Variants in ZNF608 observed in about 807,000 individuals in gnomAD.
ZNF608 encodes zinc finger protein 608, also known as renal carcinoma antigen NY-REN-36.
Under a neutral mutation model 109.0 loss-of-function variants are expected in ZNF608, and 12 were observed. The observed-to-expected ratio is 0.11, with a 90% CI of 0.07 to 0.18. The LOEUF (loss-of-function observed/expected upper bound fraction) is 0.18. Among genes scored for constraint, ZNF608 ranks in the 10% least tolerant of loss-of-function variants. The pLI, the probability that ZNF608 is intolerant of heterozygous loss-of-function variation, is 1.00. For synonymous variants in ZNF608, 732 were observed against 717.4 expected (o/e 1.02, Z -0.33); for missense variants, 1,707 against 1,879.3 (o/e 0.91, Z 1.70).
chr5:124,730,719 G>A (rs1288184931), intron 2 of ZNF608, among the ~76,000 whole-genome samples: 3 of 152,118 alleles, frequency 2.0e-5, no homozygotes, highest in Non-Finnish European at 2.9e-5. Context: ...AAGGATCCAC[G>A]TCTGTAGTAT....
At position 124,745,076 on chromosome 5, in the gene ZNF608, C is replaced by G. The variant is rs1749589330; in HGVS notation, c.-87G>C. The stretch of plus-strand genomic sequence containing the variant: ...TTCGTTTATCTCCGCTGGGCTTTCT[C>G]TCAAAGAAAAAAAAAATCTTCTAAT... On this transcript the variant is annotated 5_prime_UTR_variant, in exon 2 of 10. Coordinates refer to ENST00000513986, the MANE Select transcript of ZNF608 (RefSeq NM_020747.3). 5 of 1,490,562 alleles carry G rather than the reference C, an allele frequency of 3.4e-6. No homozygotes were observed. 92.3% of individuals were successfully genotyped at this position (1,490,562 alleles called of 1,614,324 possible).
In ZNF608 at chr5:124,647,400, G is replaced by A; in HGVS notation, c.2984C>T (p.Pro995Leu). 2 of 1,614,190 alleles carry A rather than the reference G, an allele frequency of 1.2e-6. No homozygotes were observed. The highest frequency in any genetic ancestry group is 1.6e-4 in the Middle Eastern group (1 of 6,062). The change falls in exon 5 of 10, where the codon CCC becomes CTC. Residue 995 changes from proline (P) to leucine (L), a missense_variant. By Grantham distance (98) the Pro-to-Leu change is moderately conservative. Coordinates refer to ENST00000513986, the MANE Select transcript of ZNF608 (RefSeq NM_020747.3). ...QSSQLKESHS[P>L]YYHSYDPYYS... ...ATAAGGATCATAGCTGTGGTAATAG[G>A]GAGAATGGGACTCTTTCAGTTGAGA...
In ZNF608 at chr5:124,647,975, T is replaced by G. The variant is rs200751340; in HGVS notation, c.2409A>C (p.Pro803=). ...TTTTGTCTTTGAGTGACACCAGAGC[T>G]GGGTTCACGGTGATGGGCTCTCCCA... The part of the protein sequence containing the change: ...TIMGEPITVN[P]ALVSLKDKKK... Residue 803 remains proline (P), a synonymous_variant, in exon 5 of 10, where the codon CCA becomes CCC. Coordinates refer to ENST00000513986, the MANE Select transcript of ZNF608 (RefSeq NM_020747.3). 2.9e-4 allele frequency: 470 copies of G among 1,614,256 alleles called. No individual in the cohort carries two copies. The highest frequency in any genetic ancestry group is 3.4e-4 in the Non-Finnish European group (398 of 1,180,046).
At chr5:124,685,709 G>C (rs1752384089) in intron 3 of ZNF608, among the ~76,000 whole-genome samples, 1 of 151,988 alleles carries the variant, frequency 6.6e-6, no homozygotes, top group African/African-American at 2.4e-5. Flanking sequence ...GAGGAACTCA[G>C]TACGCGGCCA....
At chr5:124,645,416 A>T (rs536478486) in intron 5 of ZNF608, among the ~76,000 whole-genome samples, 4 of 152,150 alleles carry the variant, frequency 2.6e-5, no homozygotes, top group Non-Finnish European at 5.9e-5. Context: ...GGCCTTTGTG[A>T]TCCCCATCCC....
intron 2 of ZNF608, among the ~76,000 whole-genome samples, chr5:124,741,840 G>C (rs956856656): frequency 6.6e-6 from 1 of 152,132 alleles, no homozygotes; most frequent in Non-Finnish European, 1.5e-5. Context: ...GGGGAGGAAA[G>C]CCTTAAGGAA....
At chr5:124,691,639 A>G (rs995038445) in intron 3 of ZNF608, among the ~76,000 whole-genome samples, 1 of 152,246 alleles carries the variant, frequency 6.6e-6, no homozygotes, top group Non-Finnish European at 1.5e-5. Flanking sequence ...CTGGAATATT[A>G]TTCAGCATGT....
chr5:124,678,790 C>T (rs1752072248), intron 3 of ZNF608, among the ~76,000 whole-genome samples: 1 of 152,158 alleles, frequency 6.6e-6, no homozygotes, highest in Admixed American at 6.5e-5. Context: ...TCTAGTGCTC[C>T]TTCCTGTGGG....
In ZNF608 at chr5:124,689,572, A is replaced by C. The variant is rs570927311; in HGVS notation, c.1162+11442T>G. Among the ~76,000 whole-genome samples the C allele has an allele frequency of 2.6e-5, 4 of 152,332 alleles. No individual in the cohort carries two copies. The South Asian group carries it at 8.3e-4, about 32-fold the overall frequency. ...AATAATAAGAAAACAACTCTGTAAG[A>C]AAAATGGGCCAAAAACCTTAACAGT... On this transcript the variant is annotated intron_variant, in intron 3 of 9. Coordinates refer to ENST00000513986, the MANE Select transcript of ZNF608 (RefSeq NM_020747.3).
intron 2 of ZNF608, among the ~76,000 whole-genome samples, chr5:124,722,333 C>T (rs895361483): frequency 9.2e-5 from 14 of 152,162 alleles, no homozygotes; most frequent in Non-Finnish European, 1.5e-4. Flanking sequence ...CTAAGCAAAG[C>T]TATGGCTCAT....
intron 8 of ZNF608, 87 bp downstream of exon 8, chr5:124,641,165 C>CACTATTTTT: frequency 6.4e-7 from 1 of 1,560,796 alleles, no homozygotes; most frequent in Non-Finnish European, 8.8e-7. Context: ...ACTCAAAGCT[C>CACTATTTTT]AATATTTTTA....
At chr5:124,697,051 A>T (rs1205929753) in intron 3 of ZNF608, among the ~76,000 whole-genome samples, 1 of 151,584 alleles carries the variant, frequency 6.6e-6, no homozygotes, top group Non-Finnish European at 1.5e-5. Context: ...AGCACCGAGA[A>T]CCCTCTTTGG....
intron 2 of ZNF608, among the ~76,000 whole-genome samples, chr5:124,724,900 C>A (rs138235062): frequency 4.3e-4 from 66 of 152,254 alleles, no homozygotes; most frequent in Non-Finnish European, 6.6e-4. Context: ...TAAGTCACAG[C>A]CTGTCCCTCC....
intron 3 of ZNF608, among the ~76,000 whole-genome samples, chr5:124,678,562 G>T (rs191613648): frequency 2.0e-5 from 3 of 152,196 alleles, no homozygotes; most frequent in African/African-American, 7.2e-5. Flanking sequence ...CTGCCATTCC[G>T]TTCCCATGCT....
intron 7 of ZNF608, among the ~76,000 whole-genome samples, chr5:124,642,860 C>T (rs1385761758): frequency 6.6e-6 from 1 of 151,822 alleles, no homozygotes; most frequent in Non-Finnish European, 1.5e-5. Context: ...TACCACTAGG[C>T]TACTTTTTGT....
chr5:124,693,914 T>C (rs1383997495), intron 3 of ZNF608, among the ~76,000 whole-genome samples: 1 of 150,996 alleles, frequency 6.6e-6, no homozygotes, highest in Admixed American at 6.6e-5. Context: ...TGTGAAGACC[T>C]GTCTTCCATT....
In ZNF608 at chr5:124,709,544, C is replaced by T. The variant is rs189231006; in HGVS notation, c.907-8275G>A. On this transcript the variant is annotated intron_variant, in intron 2 of 9. Coordinates refer to ENST00000513986, the MANE Select transcript of ZNF608 (RefSeq NM_020747.3). Reference sequence around the variant, plus strand: ...CATAGCTAAGCGATATTGGTGGAGGCGGAGCAGACACAGGGACTCTTTTCT... The same window carrying T: ...CATAGCTAAGCGATATTGGTGGAGGTGGAGCAGACACAGGGACTCTTTTCT... 2.2e-3 allele frequency among the ~76,000 whole-genome samples: 340 copies of T among 152,290 alleles called. 3 individuals are homozygous for T. Among genetic ancestry groups the T allele is most frequent in the Admixed American group, 7.6e-3 (116 of 15,300 alleles).
In ZNF608 at chr5:124,647,031, T is replaced by C. The variant is rs1750543754; in HGVS notation, c.3353A>G (p.Lys1118Arg). The C allele has an allele frequency of 6.2e-7, 1 of 1,613,996 alleles. No individual in the cohort carries two copies. Among genetic ancestry groups the C allele is most frequent in the East Asian group, 2.2e-5 (1 of 44,888 alleles). Residue 1118 changes from lysine to arginine, a missense_variant, in exon 5 of 10, where the codon AAA (lysine) becomes AGA (arginine). Transcript: ENST00000513986. ...YYEDQRLAEQ[K>R]MAQTGRGDCE... ...GTCTCCTCTCCCAGTCTGGGCCATT[T>C]TCTGCTCTGCCAGCCTCTGGTCCTC... is the stretch of plus-strand genomic sequence containing the variant.
At chr5:124,712,336 G>C (rs75313414) in intron 2 of ZNF608, among the ~76,000 whole-genome samples, 1 of 152,086 alleles carries the variant, frequency 6.6e-6, no homozygotes, top group Non-Finnish European at 1.5e-5. Flanking sequence ...GCAGAGGATC[G>C]CCTGTTGGGC....
Sources: allele counts gnomAD v4.1 joint callset (sites outside exome capture counted in the v4.1 genomes callset), GRCh38; gene constraint gnomAD v4.1.1; transcripts MANE v1.5; gene names NCBI Gene and HGNC (gene_info 2026-07-23, HGNC 2026-07-21).